The following ZNF638 variants were observed in gnomAD, a reference collection of about 807,000 sequenced individuals.
ZNF638 encodes the protein CTCL tumor antigen se33-1.
ZNF638 carries 46 observed loss-of-function variants against 195.6 expected under a neutral mutation model. The observed-to-expected ratio is 0.24, with a 90% CI of 0.19 to 0.30. ZNF638 has a LOEUF of 0.30. Ranked by LOEUF, ZNF638 falls within the 10% of genes least tolerant of loss-of-function variation. The probability of loss-of-function intolerance (pLI) is 1.00; values close to 1 mark genes in which losing one functional copy is unlikely to be tolerated. For missense variants in ZNF638, 2,440 were observed against 2,325.3 expected (o/e 1.05, Z -1.01); for synonymous variants, 845 against 772.0 (o/e 1.09, Z -1.57).
chr2:71,358,532 T>C (rs2079060130), intron 3 of ZNF638, among the ~76,000 whole-genome samples: 1 of 152,236 alleles, frequency 6.6e-6, no homozygotes. Context: ...TCTGGCATCC[T>C]CTGGGTCAGT....
rs753315788 is a variant in ZNF638, at chr2:71,349,383, C to T, written c.429C>T (p.Ile143=). 2.5e-6 allele frequency: 4 copies of T among 1,614,158 alleles called. No individual in the cohort carries two copies. In the South Asian group the frequency reaches 3.3e-5, roughly 13 times the overall value. ...SRYTKESASS[I]LASFGLSNED... ...ATACAAAAGAGAGTGCCTCAAGTATCTTAGCAAGTTTTGGATTATCTAATG... is the reference window on the plus strand; with the variant it reads ...ATACAAAAGAGAGTGCCTCAAGTATTTTAGCAAGTTTTGGATTATCTAATG... Residue 143 remains isoleucine (I), a synonymous_variant, in exon 2 of 28, where the codon ATC becomes ATT. Transcript: ENST00000264447.
At chr2:71,419,464 C>G (rs1170238382) in intron 21 of ZNF638, among the ~76,000 whole-genome samples, 1 of 152,160 alleles carries the variant, frequency 6.6e-6, no homozygotes, top group African/African-American at 2.4e-5. Context: ...CCCTGAAAAA[C>G]AGAACGTCTT....
chr2:71,360,510 G>C (rs987642651), intron 3 of ZNF638, among the ~76,000 whole-genome samples: 1 of 151,586 alleles, frequency 6.6e-6, no homozygotes, highest in Admixed American at 6.6e-5. Flanking sequence ...ATTCAGTTAA[G>C]ATTTATGCAT....
At chr2:71,390,018 TTTC>T (rs2079738374) in intron 10 of ZNF638, among the ~76,000 whole-genome samples, 1 of 152,300 alleles carries the variant, frequency 6.6e-6, no homozygotes. Context: ...CCCAAATTGT[TTTC>T]TGTGTGGAGA....
chr2:71,337,593 A>T (rs192830063), intron 1 of ZNF638, among the ~76,000 whole-genome samples: 2,751 of 128,982 alleles, frequency 0.021, 91 homozygotes, highest in African/African-American at 0.072. Context: ...TTTTGTAGAG[A>T]TGGGATTTTG....
Position 71,386,572 on chromosome 2 carries a change from C to T in ZNF638, c.2377+6007C>T, listed in dbSNP as rs190144025. Among the ~76,000 whole-genome samples, 26 of 152,180 alleles carry T rather than the reference C, an allele frequency of 1.7e-4. 1 individual carries two copies. Among genetic ancestry groups the T allele is most frequent in the Non-Finnish European group, 3.2e-4 (22 of 68,006 alleles). ...CATGGAAATTGGAAAGTAGGATACA[C>T]CGTTATTTGCAAATATGATAGTACG... On this transcript the variant is annotated intron_variant, in intron 10 of 27. Transcript: ENST00000264447.
chr2:71,433,833 T>G (rs1402014697), intron 27 of ZNF638, among the ~76,000 whole-genome samples: 1 of 152,218 alleles, frequency 6.6e-6, no homozygotes, highest in Non-Finnish European at 1.5e-5. Context: ...TGAGCTGTTC[T>G]ATGCTGGAAG....
intron 10 of ZNF638, chr2:71,395,199 T>A (rs1034268731): frequency 1.4e-6 from 1 of 716,732 alleles, no homozygotes; most frequent in African/African-American, 1.7e-5. Context: ...TGGAAAAAAA[T>A]ATTACTAATT....
intron 20 of ZNF638, among the ~76,000 whole-genome samples, chr2:71,409,725 A>G (rs528570349): frequency 1.3e-5 from 2 of 152,260 alleles, no homozygotes; most frequent in South Asian, 2.1e-4. Flanking sequence ...TAACTTAATT[A>G]CTATTTGTTG....
At chr2:71,395,398 A>C (rs1473814187) in intron 10 of ZNF638, 3 of 676,324 alleles carry the variant, frequency 4.4e-6, no homozygotes, top group Non-Finnish European at 8.3e-6. Flanking sequence ...TTATAAGGAG[A>C]GACGCAAACC....
chr2:71,365,430 T>C lies in ZNF638; in HGVS notation c.1719T>C (p.Asp573=), dbSNP rs376459319. 8 of 1,577,080 alleles carry C rather than the reference T, an allele frequency of 5.1e-6. No homozygotes were observed. The highest frequency in any genetic ancestry group is 6.9e-6 in the Non-Finnish European group (8 of 1,166,298). Residue 573 remains aspartate (D), a splice_region_variant and synonymous_variant, in exon 6 of 28, where the codon GAT becomes GAC. Coordinates refer to ENST00000264447, the MANE Select transcript of ZNF638 (RefSeq NM_014497.5). ...ATTATATTTATATCTTTTTACTAGA[T>C]AGAAAAAAAGCATTAGAAGATGTAG... is the stretch of plus-strand genomic sequence containing the variant. The part of the protein sequence containing the change: ...RMSRRSVRSS[D]RKKALEDVVQ...
chr2:71,357,349 A>G (rs1257369320), intron 3 of ZNF638, among the ~76,000 whole-genome samples: 2 of 152,124 alleles, frequency 1.3e-5, no homozygotes, highest in Non-Finnish European at 2.9e-5. Flanking sequence ...TAAGACTGGA[A>G]ATTGGGGTTA....
intron 27 of ZNF638, 108 bp from the exon 28 acceptor site, chr2:71,434,634 T>TAAA: frequency 1.1e-6 from 1 of 903,544 alleles, no homozygotes; most frequent in Non-Finnish European, 1.7e-6. Context: ...GTTTATAATA[T>TAAA]TTTGTAGGAT....
At chr2:71,388,835 G>T in intron 10 of ZNF638, 1 of 701,796 alleles carries the variant, frequency 1.4e-6, no homozygotes. Context: ...TAAAAGTATT[G>T]AAACAACTGC....
intron 11 of ZNF638, among the ~76,000 whole-genome samples, chr2:71,398,041 G>A (rs1048966499): frequency 2.0e-5 from 3 of 152,098 alleles, no homozygotes; most frequent in African/African-American, 4.8e-5. Context: ...TCAAAGTATG[G>A]GATTGTTTTT....
In ZNF638 at chr2:71,348,833, C is replaced by G; in HGVS notation, c.-122C>G. 6.2e-7 allele frequency: 1 copy of G among 1,604,476 alleles called. No homozygotes were observed. Among genetic ancestry groups the G allele is most frequent in the Non-Finnish European group, 8.5e-7 (1 of 1,177,846 alleles). On this transcript the variant is annotated 5_prime_UTR_variant, in exon 2 of 28. Coordinates refer to ENST00000264447, the MANE Select transcript of ZNF638 (RefSeq NM_014497.5). ...ATTGCAAACCCACTTCTGTTGGGCC[C>G]ATCTCCTTTGCACTTTGCTCAGATT... is the stretch of plus-strand genomic sequence containing the variant.
chr2:71,340,276 C>T (rs183438344), intron 1 of ZNF638, among the ~76,000 whole-genome samples: 17 of 152,292 alleles, frequency 1.1e-4, no homozygotes, highest in Admixed American at 4.6e-4. Flanking sequence ...TAACGTGAAA[C>T]ATGGTACTCT....
At chr2:71,363,590 T>A (rs2079145401) in intron 4 of ZNF638, among the ~76,000 whole-genome samples, 1 of 152,186 alleles carries the variant, frequency 6.6e-6, no homozygotes, top group Non-Finnish European at 1.5e-5. Flanking sequence ...AGGAAAAAAT[T>A]ATTGAAAACA....
At chr2:71,388,430 G>A (rs1275972355) in intron 10 of ZNF638, 21 of 680,578 alleles carry the variant, frequency 3.1e-5, no homozygotes, top group Middle Eastern at 2.7e-4. Context: ...CCCTACAGGC[G>A]GGGGCAACAA....
Sources: gnomAD v4.1 joint callset for allele counts (sites outside exome capture counted in the v4.1 genomes callset) on GRCh38, gnomAD v4.1.1 for gene constraint, MANE v1.5 for transcripts, NCBI Gene and HGNC (gene_info 2026-07-23, HGNC 2026-07-21) for gene names.